GLIS1: variants seen among roughly 807,000 people sequenced by gnomAD.
GLIS1 encodes GLIS family zinc finger 1.
GLIS1 carries 24 observed loss-of-function variants against 63.8 expected under a neutral mutation model. That is an observed-to-expected ratio of 0.38 (90% CI 0.27 to 0.53). The LOEUF is 0.53. Among genes scored for constraint, GLIS1 ranks in the 20% least tolerant of loss-of-function variants. The pLI, the probability that GLIS1 is intolerant of heterozygous loss-of-function variation, is 0.85. For missense variants in GLIS1, 1,036 were observed against 1,074.1 expected (o/e 0.96, Z 0.50); for synonymous variants, 450 against 482.5 (o/e 0.93, Z 0.88).
intron 4 of GLIS1, among the ~76,000 whole-genome samples, chr1:53,542,667 C>T (rs954049900): frequency 1.3e-5 from 2 of 152,194 alleles, no homozygotes; most frequent in African/African-American, 4.8e-5. Context: ...GGAGGGAAGC[C>T]AGACGCATGT....
rs1012116632 is a variant in GLIS1 at position 53,717,912 on chromosome 1, A to G, written c.259+19894T>C. Among the ~76,000 whole-genome samples, 60 of 152,066 alleles carry G rather than the reference A, an allele frequency of 3.9e-4. 1 individual carries two copies. Among genetic ancestry groups the G allele is most frequent in the Non-Finnish European group, 1.9e-4 (13 of 68,026 alleles). On this transcript the variant is annotated intron_variant, in intron 2 of 10. Transcript: ENST00000628545. Reference sequence around the variant, plus strand: ...AAAAAACTTGCTTTCCAAGCCTCCCATGCAGGCACATGACCTAGGCTCTGC... The same window carrying G: ...AAAAAACTTGCTTTCCAAGCCTCCCGTGCAGGCACATGACCTAGGCTCTGC...
chr1:53,508,837 A>C (rs1644264698), intron 10 of GLIS1, among the ~76,000 whole-genome samples: 1 of 152,240 alleles, frequency 6.6e-6, no homozygotes, highest in Non-Finnish European at 1.5e-5. Flanking sequence ...AGCAGTAATT[A>C]AACCATGAGC....
intron 10 of GLIS1, among the ~76,000 whole-genome samples, chr1:53,508,174 G>A (rs369843436): frequency 4.6e-5 from 7 of 152,154 alleles, no homozygotes; most frequent in East Asian, 3.9e-4. Context: ...GTGCAGACAC[G>A]AGAGTGCAGC....
intron 5 of GLIS1, among the ~76,000 whole-genome samples, chr1:53,527,618 T>C (rs1304698638): frequency 1.3e-5 from 2 of 152,116 alleles, no homozygotes; most frequent in East Asian, 3.9e-4. Flanking sequence ...AATCCCACAT[T>C]CTCCAATGCC....
At chr1:53,651,679 C>T (rs542327441) in intron 2 of GLIS1, among the ~76,000 whole-genome samples, 1 of 152,200 alleles carries the variant, frequency 6.6e-6, no homozygotes, top group South Asian at 2.1e-4. Context: ...AGTTTGAGAC[C>T]AGCCTGGGCA....
chr1:53,692,913 T>A (rs1039221959), intron 2 of GLIS1, among the ~76,000 whole-genome samples: 3 of 152,244 alleles, frequency 2.0e-5, no homozygotes, highest in Non-Finnish European at 4.4e-5. Flanking sequence ...CTGGCTGGAC[T>A]GGCCTCTCTG....
At chr1:53,699,147 C>T (rs1246466117) in intron 2 of GLIS1, among the ~76,000 whole-genome samples, 2 of 151,926 alleles carry the variant, frequency 1.3e-5, no homozygotes, top group African/African-American at 4.8e-5. Flanking sequence ...TCACTGCATT[C>T]TCCGCTTCCC....
chr1:53,664,287 C>A (rs1646064094), intron 2 of GLIS1, among the ~76,000 whole-genome samples: 1 of 152,186 alleles, frequency 6.6e-6, no homozygotes, highest in South Asian at 2.1e-4. Flanking sequence ...CTCCCACACA[C>A]CCCCTCCAGG....
At chr1:53,577,929 G>C (rs1645049048) in intron 4 of GLIS1, among the ~76,000 whole-genome samples, 1 of 152,090 alleles carries the variant, frequency 6.6e-6, no homozygotes, top group Non-Finnish European at 1.5e-5. Flanking sequence ...CCCCATGCCA[G>C]TGCCTCCTCC....
chr1:53,572,154 T>C (rs533703723), intron 4 of GLIS1, among the ~76,000 whole-genome samples: 45 of 152,210 alleles, frequency 3.0e-4, no homozygotes, highest in Non-Finnish European at 6.3e-4. Context: ...ATTAAAAAAT[T>C]AAACATGAGT....
intron 4 of GLIS1, among the ~76,000 whole-genome samples, chr1:53,593,670 C>A (rs771905589): frequency 1.3e-5 from 2 of 152,174 alleles, no homozygotes; most frequent in Non-Finnish European, 1.5e-5. Context: ...CTAGAAGGCC[C>A]AGGGAACCTC....
chr1:53,683,505 G>A (rs1397716572), intron 2 of GLIS1, among the ~76,000 whole-genome samples: 1 of 152,110 alleles, frequency 6.6e-6, no homozygotes, highest in African/African-American at 2.4e-5. Context: ...GTGAAATGGG[G>A]AGAATGAGGG....
At chr1:53,545,451 T>C (rs2986656) in intron 4 of GLIS1, among the ~76,000 whole-genome samples, 94,103 of 152,128 alleles carry the variant, frequency 0.62, 29,380 homozygotes, top group Middle Eastern at 0.66. Flanking sequence ...CTCACTCGCT[T>C]ATTCACTCAG....
At chr1:53,699,222 G>T (rs375010426) in intron 2 of GLIS1, among the ~76,000 whole-genome samples, 1 of 151,862 alleles carries the variant, frequency 6.6e-6, no homozygotes, top group African/African-American at 2.4e-5. Flanking sequence ...GCACCAACAC[G>T]TCCAGCTAAT....
At chr1:53,540,920 CT>C (rs1262107845) in intron 4 of GLIS1, among the ~76,000 whole-genome samples, 10 of 152,230 alleles carry the variant, frequency 6.6e-5, no homozygotes, top group African/African-American at 2.4e-4. Context: ...GCAAAGCTCC[CT>C]GTCTTGAGTG....
intron 4 of GLIS1, among the ~76,000 whole-genome samples, chr1:53,554,067 G>A (rs764178275): frequency 1.6e-4 from 25 of 152,186 alleles, no homozygotes; most frequent in Non-Finnish European, 2.5e-4. Flanking sequence ...CAGGCCCCTC[G>A]CCAGGGCCAC....
chr1:53,707,210 A>T (rs1646588000), intron 2 of GLIS1, among the ~76,000 whole-genome samples: 1 of 152,184 alleles, frequency 6.6e-6, no homozygotes, highest in Non-Finnish European at 1.5e-5. Context: ...GAAGATAAGG[A>T]TGAGGTATGG....
At chr1:53,507,823 T>C (rs1421999955) in intron 10 of GLIS1, among the ~76,000 whole-genome samples, 1 of 152,180 alleles carries the variant, frequency 6.6e-6, no homozygotes, top group Non-Finnish European at 1.5e-5. Context: ...ATTCTAAGCC[T>C]TGCTGCTCAG....
intron 10 of GLIS1, among the ~76,000 whole-genome samples, chr1:53,508,269 T>C (rs551207381): frequency 6.6e-6 from 1 of 152,306 alleles, no homozygotes; most frequent in East Asian, 1.9e-4. Context: ...CGCAGACACC[T>C]GGCACGGGCG....
Sources: gnomAD v4.1 joint callset for allele counts (sites outside exome capture counted in the v4.1 genomes callset) on GRCh38, gnomAD v4.1.1 for gene constraint, MANE v1.5 for transcripts, NCBI Gene and HGNC (gene_info 2026-07-23, HGNC 2026-07-21) for gene names.